FARS2: variants seen among roughly 807,000 people sequenced by gnomAD.
FARS2 encodes the protein phenylalanine--tRNA ligase, mitochondrial.
A neutral mutation model predicts 46.4 loss-of-function variants in FARS2; 40 were observed. That is an observed-to-expected ratio of 0.86 (90% CI 0.67 to 1.12). The LOEUF (loss-of-function observed/expected upper bound fraction) is 1.12, where lower values mean the gene tolerates loss of function less well. Ranked by LOEUF, FARS2 falls within the 50% of genes most tolerant of loss-of-function variation. FARS2 has a pLI of 0.00. For missense variants in FARS2, 513 were observed against 567.9 expected (o/e 0.90, Z 0.98); for synonymous variants, 234 against 214.9 (o/e 1.09, Z -0.78).
intron 6 of FARS2, among the ~76,000 whole-genome samples, chr6:5,732,450 C>T (rs370775360): frequency 1.3e-5 from 2 of 152,186 alleles, no homozygotes; most frequent in African/African-American, 2.4e-5. Flanking sequence ...TTGTTCTCAT[C>T]TCTGTAGCTC....
At chr6:5,504,219 G>A (rs1047776587) in intron 4 of FARS2, among the ~76,000 whole-genome samples, 1 of 151,996 alleles carries the variant, frequency 6.6e-6, no homozygotes, top group Non-Finnish European at 1.5e-5. Flanking sequence ...TATTTTACTG[G>A]ATAAATTTTT....
chr6:5,331,391 A>G (rs1266489185), intron 1 of FARS2, among the ~76,000 whole-genome samples: 1 of 152,208 alleles, frequency 6.6e-6, no homozygotes, highest in African/African-American at 2.4e-5. Context: ...CACATGTCCC[A>G]TGTCCAGCCT....
Position 5,726,383 on chromosome 6 carries a change from C to G in FARS2, c.1218-44908C>G, listed in dbSNP as rs1024829169. Among the ~76,000 whole-genome samples, 4 of 152,270 alleles carry G rather than the reference C, an allele frequency of 2.6e-5. No individual in the cohort carries two copies. The South Asian group carries it at 8.3e-4, about 32-fold the overall frequency. ...CAGTATGATGCTAAGAATGAAGACT[C>G]TGCTGCAGCATGGGCAAATATTTAG... On this transcript the variant is annotated intron_variant, in intron 6 of 6. Transcript: ENST00000274680.
intron 3 of FARS2, among the ~76,000 whole-genome samples, chr6:5,422,595 G>A (rs757264180): frequency 6.6e-6 from 1 of 152,156 alleles, no homozygotes; most frequent in Non-Finnish European, 1.5e-5. Flanking sequence ...GATTAGATAC[G>A]TGAGCTGTTG....
At chr6:5,262,299 A>G (rs1186934899) in intron 1 of FARS2, among the ~76,000 whole-genome samples, 1 of 151,888 alleles carries the variant, frequency 6.6e-6, no homozygotes, top group Non-Finnish European at 1.5e-5. Flanking sequence ...TTTTTTTGAG[A>G]TGGAGTCTCG....
intron 4 of FARS2, among the ~76,000 whole-genome samples, chr6:5,536,221 TG>T (rs1770188656): frequency 6.6e-6 from 1 of 152,154 alleles, no homozygotes; most frequent in African/African-American, 2.4e-5. Flanking sequence ...GCTAATTTTT[TG>T]TATTTTTAGT....
chr6:5,405,480 C>CTTTTTTTTTTTT (rs398000284), intron 3 of FARS2, among the ~76,000 whole-genome samples: 904 of 58,966 alleles, frequency 0.015, 158 homozygotes, highest in Middle Eastern at 0.067. Flanking sequence ...GAGCAAGGTT[C>CTTTTTTTTTTTT]TTTTTTTTTT....
chr6:5,346,441 G>T (rs932497678), intron 1 of FARS2, among the ~76,000 whole-genome samples: 3 of 152,134 alleles, frequency 2.0e-5, no homozygotes, highest in Non-Finnish European at 2.9e-5. Context: ...CAGGGACTGA[G>T]CCCTATGTGC....
chr6:5,617,722 C>T (rs548241343), intron 6 of FARS2, among the ~76,000 whole-genome samples: 25 of 152,130 alleles, frequency 1.6e-4, no homozygotes, highest in African/African-American at 6.0e-4. Flanking sequence ...GGCCATGGTG[C>T]GGACTTGGCA....
intron 4 of FARS2, among the ~76,000 whole-genome samples, chr6:5,508,806 C>T (rs1174528280): frequency 6.6e-6 from 1 of 152,124 alleles, no homozygotes; most frequent in African/African-American, 2.4e-5. Flanking sequence ...AGCTATCCCG[C>T]ACGGAGAGGT....
chr6:5,682,413 G>C (rs1561796810), intron 6 of FARS2, among the ~76,000 whole-genome samples: 1 of 152,118 alleles, frequency 6.6e-6, no homozygotes, highest in Non-Finnish European at 1.5e-5. Flanking sequence ...TTTTAAGGTA[G>C]TTTAATAATA....
intron 5 of FARS2, among the ~76,000 whole-genome samples, chr6:5,597,324 T>C (rs1251619589): frequency 6.6e-6 from 1 of 152,218 alleles, no homozygotes; most frequent in African/African-American, 2.4e-5. Flanking sequence ...CTTTGGGCCA[T>C]GTTTGCCAAG....
intron 6 of FARS2, among the ~76,000 whole-genome samples, chr6:5,714,098 C>G (rs151319057): frequency 1.3e-5 from 2 of 152,092 alleles, no homozygotes; most frequent in Non-Finnish European, 2.9e-5. Context: ...GCGCGTGTGT[C>G]GAGCTTTGCT....
At chr6:5,404,722 T>G (rs1358390035) in intron 3 of FARS2, 21 bp downstream of exon 3, 1 of 1,521,286 alleles carries the variant, frequency 6.6e-7, no homozygotes, top group South Asian at 1.3e-5. Context: ...AAACACAGGT[T>G]GACGATCTCT....
chr6:5,263,616 C>T (rs1765345367), intron 1 of FARS2, among the ~76,000 whole-genome samples: 1 of 152,140 alleles, frequency 6.6e-6, no homozygotes, highest in Non-Finnish European at 1.5e-5. Context: ...TCATTCTATT[C>T]TGGGTTGAAA....
chr6:5,585,323 G>A (rs1343228541), intron 5 of FARS2, among the ~76,000 whole-genome samples: 4 of 152,130 alleles, frequency 2.6e-5, no homozygotes, highest in Non-Finnish European at 5.9e-5. Context: ...GTAAGTGTAT[G>A]TATAGTAAGG....
chr6:5,250,532 G>T, the FARS2 span, among the ~76,000 whole-genome samples: 43,905 of 149,062 alleles, frequency 0.29, 7,993 homozygotes, highest in African/African-American at 0.56. Flanking sequence ...AGAAAAAAAT[G>T]TTTTTTGGAA....
At chr6:5,373,648 G>C (rs1015569152) in intron 2 of FARS2, among the ~76,000 whole-genome samples, 7 of 152,096 alleles carry the variant, frequency 4.6e-5, no homozygotes, top group Admixed American at 3.3e-4. Flanking sequence ...GTTGAACAGT[G>C]TGTGTGGATG....
intron 5 of FARS2, among the ~76,000 whole-genome samples, chr6:5,598,042 C>G (rs1056739589): frequency 1.1e-4 from 16 of 152,090 alleles, no homozygotes; most frequent in African/African-American, 3.9e-4. Context: ...CATCCTGTCT[C>G]CCTGCCACCC....
Sources: gnomAD v4.1 joint callset for allele counts (sites outside exome capture counted in the v4.1 genomes callset) on GRCh38, gnomAD v4.1.1 for gene constraint, MANE v1.5 for transcripts, NCBI Gene and HGNC (gene_info 2026-07-23, HGNC 2026-07-21) for gene names.